Variants in BRINP2 observed in about 807,000 individuals in gnomAD.
BRINP2 encodes BMP/retinoic acid inducible neural specific 2, also known as BMP/retinoic acid-inducible neural-specific protein 2.
In BRINP2, 21 loss-of-function variants were observed where a neutral mutation model predicts 69.2. The ratio of observed to expected loss-of-function variants is 0.30; its 90% CI spans 0.22 to 0.44. BRINP2 has a LOEUF of 0.44. Ranked by LOEUF, BRINP2 falls within the 20% of genes least tolerant of loss-of-function variation. BRINP2 has a pLI of 1.00. For synonymous variants in BRINP2, 380 were observed against 394.1 expected (o/e 0.96, Z 0.42); for missense variants, 877 against 986.0 (o/e 0.89, Z 1.48).
chr1:177,268,693 C>T (rs1410346050), intron 4 of BRINP2, among the ~76,000 whole-genome samples: 1 of 152,186 alleles, frequency 6.6e-6, no homozygotes, highest in African/African-American at 2.4e-5. Flanking sequence ...ACCTTCCTGA[C>T]ACATACACTC....
At chr1:177,229,661 A>G in intron 1 of BRINP2, 140 bp from the exon 2 acceptor site, 1 of 550,866 alleles carries the variant, frequency 1.8e-6, no homozygotes, top group South Asian at 3.6e-5. Flanking sequence ...TACCTCAAGC[A>G]CTTAGCTAAA....
chr1:177,256,183 G>T (rs1269650947), intron 3 of BRINP2, 74 bp downstream of exon 3: 1 of 1,522,846 alleles, frequency 6.6e-7, no homozygotes, highest in Non-Finnish European at 8.9e-7. Context: ...GTGTAGCGTA[G>T]CTCCAACAGT....
intron 2 of BRINP2, among the ~76,000 whole-genome samples, chr1:177,247,934 T>C (rs1325463505): frequency 6.6e-6 from 1 of 152,144 alleles, no homozygotes; most frequent in Non-Finnish European, 1.5e-5. Context: ...GATAGGTTGG[T>C]GCCAAGCCTG....
intron 1 of BRINP2, among the ~76,000 whole-genome samples, chr1:177,172,435 G>A (rs879722615): frequency 1.3e-5 from 2 of 152,168 alleles, no homozygotes; most frequent in Non-Finnish European, 2.9e-5. Flanking sequence ...ACTGTCGAAT[G>A]CTGCCTGTGG....
At chr1:177,203,137 C>T (rs1444973166) in intron 1 of BRINP2, among the ~76,000 whole-genome samples, 1 of 152,116 alleles carries the variant, frequency 6.6e-6, no homozygotes, top group Admixed American at 6.5e-5. Flanking sequence ...CCATGGAATA[C>T]TATGCAGCCA....
intron 2 of BRINP2, among the ~76,000 whole-genome samples, chr1:177,245,026 T>C (rs1288076981): frequency 6.6e-6 from 1 of 152,176 alleles, no homozygotes; most frequent in Non-Finnish European, 1.5e-5. Flanking sequence ...ACTCTAATAC[T>C]GGCGAGAATG....
intron 4 of BRINP2, among the ~76,000 whole-genome samples, chr1:177,266,789 A>G (rs907990645): frequency 6.6e-6 from 1 of 151,642 alleles, no homozygotes; most frequent in Non-Finnish European, 1.5e-5. Flanking sequence ...AAGAAAGAAA[A>G]AAAAAAGTTA....
At chr1:177,193,752 C>G (rs561644794) in intron 1 of BRINP2, among the ~76,000 whole-genome samples, 25 of 152,172 alleles carry the variant, frequency 1.6e-4, no homozygotes, top group African/African-American at 6.0e-4. Context: ...TTACAGCAGA[C>G]ACTGTTGGGG....
chr1:177,280,984 T>A lies in BRINP2; in HGVS notation c.1808T>A (p.Met603Lys). 1 of 1,614,182 alleles carries A rather than the reference T, an allele frequency of 6.2e-7. No individual in the cohort carries two copies. The highest frequency in any genetic ancestry group is 1.1e-5 in the South Asian group (1 of 91,088). The change falls in exon 8 of 8, where the codon ATG becomes AAG. Residue 603 changes from methionine (M) to lysine (K), a missense_variant. Physicochemically the swap from Met to Lys is moderately conservative, Grantham distance 95. Transcript: ENST00000361539. ...GGCAGCCACTCTGAGAGCTGGTTCA[T>A]GCCTGTGAATGAGGGCAGCTTTCCT... ...FGGSHSESWF[M>K]PVNEGSFPDW...
At chr1:177,232,968 A>C (rs1208497984) in intron 2 of BRINP2, among the ~76,000 whole-genome samples, 1 of 152,194 alleles carries the variant, frequency 6.6e-6, no homozygotes, top group Non-Finnish European at 1.5e-5. Flanking sequence ...CCTATGATTC[A>C]AGGGGGTCAG....
chr1:177,251,929 A>C (rs1445538490), intron 2 of BRINP2, among the ~76,000 whole-genome samples: 1 of 152,200 alleles, frequency 6.6e-6, no homozygotes, highest in African/African-American at 2.4e-5. Context: ...AGAAATTATT[A>C]GTTAATGAAG....
At chr1:177,221,676 C>T (rs183855060) in intron 1 of BRINP2, among the ~76,000 whole-genome samples, 62 of 152,294 alleles carry the variant, frequency 4.1e-4, no homozygotes, top group Middle Eastern at 3.4e-3. Flanking sequence ...CCACTCCCTA[C>T]CTTCCCCACA....
intron 2 of BRINP2, among the ~76,000 whole-genome samples, chr1:177,235,610 T>C (rs576618719): frequency 6.6e-6 from 1 of 152,304 alleles, no homozygotes; most frequent in East Asian, 1.9e-4. Flanking sequence ...AGCTGATTTA[T>C]CATCCGGACC....
At chr1:177,234,467 C>G (rs1649955410) in intron 2 of BRINP2, among the ~76,000 whole-genome samples, 1 of 152,216 alleles carries the variant, frequency 6.6e-6, no homozygotes, top group Admixed American at 6.5e-5. Flanking sequence ...GTTCCATTCT[C>G]TCTTTGCTAC....
At chr1:177,181,856 C>T (rs956738982) in intron 1 of BRINP2, among the ~76,000 whole-genome samples, 1 of 152,194 alleles carries the variant, frequency 6.6e-6, no homozygotes, top group African/African-American at 2.4e-5. Flanking sequence ...ACTAGAGACC[C>T]CTAGAGGCGA....
At chr1:177,266,422 C>T (rs1223883680) in intron 4 of BRINP2, among the ~76,000 whole-genome samples, 1 of 152,008 alleles carries the variant, frequency 6.6e-6, no homozygotes, top group African/African-American at 2.4e-5. Flanking sequence ...TAATGCTTGT[C>T]TGTTCACCTG....
intron 1 of BRINP2, among the ~76,000 whole-genome samples, chr1:177,201,820 C>G (rs1486109390): frequency 6.6e-6 from 1 of 152,154 alleles, no homozygotes; most frequent in Non-Finnish European, 1.5e-5. Context: ...GCTGTGAATC[C>G]ATCTGGTCCT....
intron 1 of BRINP2, among the ~76,000 whole-genome samples, chr1:177,177,186 C>A (rs1177182857): frequency 6.6e-6 from 1 of 151,920 alleles, no homozygotes; most frequent in African/African-American, 2.4e-5. Flanking sequence ...GAGACTGAGG[C>A]AGGAGAATCG....
intron 4 of BRINP2, among the ~76,000 whole-genome samples, chr1:177,262,526 C>G (rs1045067769): frequency 7.1e-6 from 1 of 141,788 alleles, no homozygotes. Flanking sequence ...AAAAAAAAAG[C>G]CTCCATAGAG....
Sources: allele counts gnomAD v4.1 joint callset (sites outside exome capture counted in the v4.1 genomes callset), GRCh38; gene constraint gnomAD v4.1.1; transcripts MANE v1.5; gene names NCBI Gene and HGNC (gene_info 2026-07-23, HGNC 2026-07-21).